The following WWOX variants were observed in gnomAD, a reference collection of about 807,000 sequenced individuals.
The protein encoded by WWOX is WW domain containing oxidoreductase.
Under a neutral mutation model 46.2 loss-of-function variants are expected in WWOX, and 69 were observed. The observed-to-expected ratio is 1.49, with a 90% confidence interval of 1.23 to 1.82. WWOX has a LOEUF of 1.82. Ranked by LOEUF, WWOX falls within the 40% of genes most tolerant of loss-of-function variation. The pLI is 0.00. For synonymous variants in WWOX, 359 were observed against 202.6 expected (o/e 1.77, Z -6.56); for missense variants, 919 against 542.6 (o/e 1.69, Z -6.89).
chr16:78,357,473 C>T (rs535641500), intron 5 of WWOX, among the ~76,000 whole-genome samples: 2 of 152,178 alleles, frequency 1.3e-5, no homozygotes, highest in African/African-American at 4.8e-5. Context: ...CCACTTGGTC[C>T]CTTCAATCTG....
At chr16:78,685,853 A>T (rs2047843066) in intron 8 of WWOX, among the ~76,000 whole-genome samples, 1 of 151,624 alleles carries the variant, frequency 6.6e-6, no homozygotes, top group African/African-American at 2.4e-5. Flanking sequence ...TGAGGGAAAG[A>T]TCTGAGAGCA....
intron 8 of WWOX, among the ~76,000 whole-genome samples, chr16:79,183,272 C>T (rs1392023968): frequency 6.6e-6 from 1 of 152,206 alleles, no homozygotes; most frequent in Non-Finnish European, 1.5e-5. Context: ...AAGGTCAAGG[C>T]TCCCTGTGAG....
At chr16:78,931,021 A>G (rs1006226026) in intron 8 of WWOX, among the ~76,000 whole-genome samples, 1 of 152,326 alleles carries the variant, frequency 6.6e-6, no homozygotes, top group South Asian at 2.1e-4. Flanking sequence ...TCTATCTCCT[A>G]CACCTGATGT....
intron 8 of WWOX, among the ~76,000 whole-genome samples, chr16:78,977,501 A>G (rs913231629): frequency 1.3e-5 from 2 of 152,182 alleles, no homozygotes; most frequent in African/African-American, 2.4e-5. Flanking sequence ...TTTCCCTATT[A>G]GAATCCCACC....
At chr16:79,138,910 A>G (rs1467589017) in intron 8 of WWOX, among the ~76,000 whole-genome samples, 13 of 152,194 alleles carry the variant, frequency 8.5e-5, no homozygotes, top group Non-Finnish European at 1.6e-4. Context: ...GCTGGATGCC[A>G]AGGAGAATTC....
chr16:78,132,093 T>C lies in WWOX; in HGVS notation c.409+16939T>C, dbSNP rs529273643. Among the ~76,000 whole-genome samples, 1,138 of 150,950 alleles carry C rather than the reference T, an allele frequency of 7.5e-3. 22 individuals are homozygous for C. The highest frequency in any genetic ancestry group is 0.026 in the African/African-American group (1,047 of 40,974). On this transcript the variant is annotated intron_variant, in intron 4 of 8. Coordinates refer to ENST00000566780, the MANE Select transcript of WWOX (RefSeq NM_016373.4). ...AGGCTGGAGTGCAGTGGTGCTATCT[T>C]GGCTCACTGCAAGCTCCACCTCCCG...
chr16:79,194,067 G>A (rs942091397), intron 8 of WWOX, among the ~76,000 whole-genome samples: 7 of 152,042 alleles, frequency 4.6e-5, no homozygotes, highest in African/African-American at 1.7e-4. Context: ...TGAAGATTCT[G>A]TGTGTGTGTG....
At chr16:79,011,682 G>A (rs1036993462) in intron 8 of WWOX, among the ~76,000 whole-genome samples, 51 of 151,508 alleles carry the variant, frequency 3.4e-4, no homozygotes, top group African/African-American at 1.2e-3. Context: ...TTTTAGAGAT[G>A]AGTTTTTGCC....
intron 8 of WWOX, among the ~76,000 whole-genome samples, chr16:78,723,831 A>T (rs567354090): frequency 4.9e-4 from 75 of 152,170 alleles, no homozygotes; most frequent in Non-Finnish European, 4.0e-4. Flanking sequence ...GATGTAACAG[A>T]TAACCCCCAA....
intron 8 of WWOX, among the ~76,000 whole-genome samples, chr16:78,514,466 C>T (rs1196836191): frequency 1.3e-5 from 2 of 152,112 alleles, no homozygotes; most frequent in African/African-American, 4.8e-5. Context: ...AAAAGCAGTG[C>T]AGTGAGCTAA....
intron 8 of WWOX, among the ~76,000 whole-genome samples, chr16:78,946,659 C>T (rs1479543123): frequency 6.6e-6 from 1 of 152,146 alleles, no homozygotes; most frequent in Admixed American, 6.5e-5. Flanking sequence ...GATGGCATGT[C>T]TCCACTCTGC....
intron 8 of WWOX, among the ~76,000 whole-genome samples, chr16:78,810,741 C>G (rs998585566): frequency 6.6e-6 from 1 of 152,140 alleles, no homozygotes; most frequent in Non-Finnish European, 1.5e-5. Flanking sequence ...GATTTGCTCC[C>G]TTCTGTAGGA....
intron 5 of WWOX, among the ~76,000 whole-genome samples, chr16:78,363,741 C>T (rs1023238152): frequency 2.6e-5 from 4 of 152,176 alleles, no homozygotes; most frequent in Non-Finnish European, 5.9e-5. Flanking sequence ...AGAAATGGGA[C>T]TCTGGAGTAG....
chr16:78,587,739 G>A (rs189816371), intron 8 of WWOX, among the ~76,000 whole-genome samples: 1 of 152,054 alleles, frequency 6.6e-6, no homozygotes, highest in African/African-American at 2.4e-5. Flanking sequence ...TGTGGAGCTG[G>A]ATATAGACAT....
chr16:78,679,770 T>C (rs2047686599), intron 8 of WWOX, among the ~76,000 whole-genome samples: 1 of 152,228 alleles, frequency 6.6e-6, no homozygotes, highest in Non-Finnish European at 1.5e-5. Context: ...CATCTTCTCA[T>C]TGATGGCTGC....
chr16:78,266,772 A>G (rs544385398), intron 5 of WWOX, among the ~76,000 whole-genome samples: 5 of 111,756 alleles, frequency 4.5e-5, no homozygotes, highest in South Asian at 3.1e-4. Flanking sequence ...TGATAAATGC[A>G]AGTTCTATTC....
chr16:78,826,107 G>C (rs571584285), intron 8 of WWOX: 13 of 314,192 alleles, frequency 4.1e-5, no homozygotes, highest in Non-Finnish European at 6.3e-5. Context: ...TGTAATCCCA[G>C]CACTGTGGGA....
intron 8 of WWOX, among the ~76,000 whole-genome samples, chr16:78,769,201 C>G (rs890653947): frequency 5.3e-5 from 8 of 152,174 alleles, no homozygotes; most frequent in Admixed American, 1.3e-4. Flanking sequence ...TCATATATGA[C>G]TATTTCATGA....
intron 8 of WWOX, among the ~76,000 whole-genome samples, chr16:78,930,222 TCTTCCTTCCTTC>T (rs574392161): frequency 7.1e-4 from 75 of 104,998 alleles, no homozygotes; most frequent in Admixed American, 2.2e-3. Flanking sequence ...TCAGGACCTT[TCTTCCTTCCTTC>T]CTTCCTTCCT....
Sources: allele counts gnomAD v4.1 joint callset (sites outside exome capture counted in the v4.1 genomes callset), GRCh38; gene constraint gnomAD v4.1.1; transcripts MANE v1.5; gene names NCBI Gene and HGNC (gene_info 2026-07-23, HGNC 2026-07-21).